Variants in KCNB2 observed in about 807,000 individuals in gnomAD.
KCNB2 encodes delayed rectifier potassium channel protein.
KCNB2 carries 15 observed loss-of-function variants against 61.5 expected under a neutral mutation model. The observed-to-expected ratio is 0.24, with a 90% confidence interval of 0.16 to 0.38. The LOEUF is 0.38. KCNB2 is among the 10% of genes least tolerant of loss of function. The probability of loss-of-function intolerance (pLI) is 1.00; values close to 1 mark genes in which losing one functional copy is unlikely to be tolerated. For synonymous variants in KCNB2, 457 were observed against 446.0 expected, an observed-to-expected ratio of 1.02 and a Z score of -0.31; for missense variants, 828 against 1,125.2, an observed-to-expected ratio of 0.74 and a Z score of 3.78.
At chr8:72,748,075 A>G (rs11775602) in intron 2 of KCNB2, among the ~76,000 whole-genome samples, 23,844 of 152,240 alleles carry the variant, frequency 0.16, 2,259 homozygotes, top group South Asian at 0.4. Context: ...CACAGATAGT[A>G]AGATAATAAA....
rs796928592 is a variant in KCNB2 at position 72,637,414 on chromosome 8, TTTG to T, written c.579+69103_579+69105del. 1.6e-3 allele frequency among the ~76,000 whole-genome samples: 249 copies of T among 152,314 alleles called. 1 individual carries two copies. Among genetic ancestry groups the T allele is most frequent in the African/African-American group, 5.6e-3 (233 of 41,590 alleles). ...TTCCTGTCTCTGAATAGATCTTTTT[TTTG>T]TAGGGAAATTGGAGCTATCAATCTA... On this transcript the variant is annotated intron_variant, in intron 2 of 2. Coordinates refer to ENST00000523207, the MANE Select transcript of KCNB2 (RefSeq NM_004770.3).
chr8:72,738,677 A>G (rs1807892375), intron 2 of KCNB2, among the ~76,000 whole-genome samples: 1 of 152,200 alleles, frequency 6.6e-6, no homozygotes, highest in African/African-American at 2.4e-5. Context: ...GTCCTGCTGT[A>G]ACTGCACACA....
intron 2 of KCNB2, among the ~76,000 whole-genome samples, chr8:72,671,319 G>A (rs1806560808): frequency 6.6e-6 from 1 of 152,134 alleles, no homozygotes; most frequent in Admixed American, 6.5e-5. Context: ...TAATATTGTT[G>A]CAAGTTACTA....
At chr8:72,800,531 A>G (rs1809108021) in intron 2 of KCNB2, among the ~76,000 whole-genome samples, 1 of 152,268 alleles carries the variant, frequency 6.6e-6, no homozygotes. Context: ...ATCCCCAATG[A>G]GGCCAATAGC....
chr8:72,713,267 C>T (rs1243197575), intron 2 of KCNB2, among the ~76,000 whole-genome samples: 1 of 152,230 alleles, frequency 6.6e-6, no homozygotes, highest in African/African-American at 2.4e-5. Context: ...CAGCAATAAC[C>T]TCTGCAGACT....
At chr8:72,905,810 T>C (rs1208590908) in intron 2 of KCNB2, among the ~76,000 whole-genome samples, 2 of 151,878 alleles carry the variant, frequency 1.3e-5, no homozygotes, top group East Asian at 1.9e-4. Context: ...ATTATTTCAG[T>C]CCATCCAGAA....
At chr8:72,660,863 C>G (rs902558182) in intron 2 of KCNB2, 2 of 152,144 alleles carry the variant, frequency 1.3e-5, no homozygotes, top group African/African-American at 2.4e-5. Flanking sequence ...CAGAAAGGAG[C>G]TAAAGTTTCT....
intron 2 of KCNB2, among the ~76,000 whole-genome samples, chr8:72,796,331 G>A (rs1296252928): frequency 6.6e-6 from 1 of 152,048 alleles, no homozygotes; most frequent in Non-Finnish European, 1.5e-5. Context: ...AATACAGAAG[G>A]GTGAAATTAA....
intron 2 of KCNB2, among the ~76,000 whole-genome samples, chr8:72,867,980 A>G (rs139141011): frequency 6.2e-4 from 94 of 151,808 alleles, no homozygotes; most frequent in Non-Finnish European, 1.1e-3. Flanking sequence ...CTTTGAAATG[A>G]TTGGTAAACA....
intron 2 of KCNB2, among the ~76,000 whole-genome samples, chr8:72,674,223 T>G (rs1220107947): frequency 6.6e-6 from 1 of 152,250 alleles, no homozygotes; most frequent in East Asian, 1.9e-4. Context: ...TTGTCTGTTC[T>G]GTAAATGGTG....
intron 2 of KCNB2, among the ~76,000 whole-genome samples, chr8:72,867,639 C>G (rs964573989): frequency 2.6e-5 from 4 of 152,186 alleles, no homozygotes; most frequent in African/African-American, 9.6e-5. Context: ...ATGAATATAA[C>G]TAGTGAGTTG....
At chr8:72,780,724 T>C (rs982108865) in intron 2 of KCNB2, among the ~76,000 whole-genome samples, 1 of 152,162 alleles carries the variant, frequency 6.6e-6, no homozygotes, top group Non-Finnish European at 1.5e-5. Context: ...TTATATTCCT[T>C]TGGGTATATA....
chr8:72,745,434 A>G (rs1808044659), intron 2 of KCNB2, among the ~76,000 whole-genome samples: 1 of 152,174 alleles, frequency 6.6e-6, no homozygotes, highest in Non-Finnish European at 1.5e-5. Flanking sequence ...AGGCATTCCT[A>G]CTACCCTTGT....
At chr8:72,798,390 G>T (rs920499661) in intron 2 of KCNB2, among the ~76,000 whole-genome samples, 6 of 152,124 alleles carry the variant, frequency 3.9e-5, no homozygotes, top group African/African-American at 1.4e-4. Context: ...CTGAAGGCAG[G>T]CTCTGTGTAT....
At chr8:72,841,868 T>C (rs1483784740) in intron 2 of KCNB2, among the ~76,000 whole-genome samples, 4 of 152,238 alleles carry the variant, frequency 2.6e-5, no homozygotes, top group Admixed American at 2.0e-4. Flanking sequence ...AATCATGTCA[T>C]CTGCAAACAG....
chr8:72,865,710 C>T (rs188031690), intron 2 of KCNB2, among the ~76,000 whole-genome samples: 67 of 152,194 alleles, frequency 4.4e-4, no homozygotes, highest in African/African-American at 1.2e-3. Flanking sequence ...CTCTTTCATG[C>T]CTTCTGTATT....
rs368572224 is a variant in KCNB2, at chr8:72,811,345, A to T, written c.580-124590A>T. 8.5e-5 allele frequency among the ~76,000 whole-genome samples: 13 copies of T among 152,082 alleles called. No homozygotes were observed. The East Asian group carries it at 2.5e-3, about 29-fold the overall frequency. On this transcript the variant is annotated intron_variant, in intron 2 of 2. Coordinates refer to ENST00000523207, the MANE Select transcript of KCNB2 (RefSeq NM_004770.3). ...TTTAACATAATAAATTTTGAGAGGG[A>T]GAATTGATAGCTTTCTGTTGCCACA...
At position 72,713,058 on chromosome 8, in the gene KCNB2, C is replaced by T. The variant is rs28490288; in HGVS notation, c.579+144745C>T. Among the ~76,000 whole-genome samples the T allele has an allele frequency of 9.7e-3, 1,479 of 152,338 alleles. 20 individuals are homozygous for T. The highest frequency in any genetic ancestry group is 0.034 in the African/African-American group (1,400 of 41,562). ...GGTCCTACGCCCACGGAGCCTCACT[C>T]GTTGCTAGCACAGCAGTCTGAGATA... On this transcript the variant is annotated intron_variant, in intron 2 of 2. Coordinates refer to ENST00000523207, the MANE Select transcript of KCNB2 (RefSeq NM_004770.3).
chr8:72,754,532 C>T (rs1299936299), intron 2 of KCNB2, among the ~76,000 whole-genome samples: 2 of 152,170 alleles, frequency 1.3e-5, no homozygotes, highest in Non-Finnish European at 1.5e-5. Context: ...CCTCTCTGCC[C>T]TCTTGCTTAG....
Sources: allele counts gnomAD v4.1 joint callset (sites outside exome capture counted in the v4.1 genomes callset), GRCh38; gene constraint gnomAD v4.1.1; transcripts MANE v1.5; gene names NCBI Gene and HGNC (gene_info 2026-07-23, HGNC 2026-07-21).